Variants in MTREX observed in about 807,000 individuals in gnomAD.
The protein encoded by MTREX is Mtr4 exosome RNA helicase.
MTREX carries 76 observed loss-of-function variants against 135.4 expected under a neutral mutation model. The observed-to-expected ratio is 0.56, with a 90% confidence interval of 0.47 to 0.68. The LOEUF (loss-of-function observed/expected upper bound fraction) is 0.68, where lower values mean the gene tolerates loss of function less well. Among genes scored for constraint, MTREX ranks in the 30% least tolerant of loss-of-function variants. The pLI is 0.00. For synonymous variants in MTREX, 404 were observed against 401.6 expected, an observed-to-expected ratio of 1.01 and a Z score of -0.07; for missense variants, 920 against 1,262.1, an observed-to-expected ratio of 0.73 and a Z score of 4.11.
At chr5:55,394,560 G>A (rs759149451) in intron 19 of MTREX, among the ~76,000 whole-genome samples, 3 of 152,136 alleles carry the variant, frequency 2.0e-5, no homozygotes, top group Non-Finnish European at 2.9e-5. Context: ...CATGTGCCAT[G>A]TTTGCACTGG....
intron 14 of MTREX, among the ~76,000 whole-genome samples, chr5:55,354,748 G>A (rs1749882980): frequency 6.6e-6 from 1 of 152,320 alleles, no homozygotes; most frequent in African/African-American, 2.4e-5. Context: ...GGACTCTGCA[G>A]TCTGGCTAAG....
rs780401378 is a variant in MTREX at position 55,425,294 on chromosome 5, AAAG to A, written c.*526_*528del. ...AGAGTCCTCCTCTTTTCTTTCTTTAAAAGAAGTTCTTTCTTTGAAGAAATCCGA... is the reference window on the plus strand; with the variant it reads ...AGAGTCCTCCTCTTTTCTTTCTTTAAAAGTTCTTTCTTTGAAGAAATCCGA... On this transcript the variant is annotated 3_prime_UTR_variant, in exon 27 of 27. Coordinates refer to ENST00000230640, the MANE Select transcript of MTREX (RefSeq NM_015360.5). The A allele has an allele frequency of 4.3e-6, 7 of 1,610,300 alleles. No individual in the cohort carries two copies. The highest frequency in any genetic ancestry group is 1.1e-5 in the South Asian group (1 of 90,892).
intron 25 of MTREX, among the ~76,000 whole-genome samples, chr5:55,419,860 C>CTG (rs57347051): frequency 0.87 from 132,459 of 152,048 alleles, 57,933 homozygotes; most frequent in South Asian, 0.92. Flanking sequence ...TTCCTCAACT[C>CTG]TCCCCACCAC....
intron 21 of MTREX, among the ~76,000 whole-genome samples, chr5:55,404,733 A>T (rs969963879): frequency 2.1e-4 from 31 of 146,114 alleles, no homozygotes; most frequent in Middle Eastern, 7.2e-3. Flanking sequence ...TATCCAGCTC[A>T]CTCTCCTCCT....
intron 15 of MTREX, among the ~76,000 whole-genome samples, chr5:55,361,239 C>T (rs758724110): frequency 6.6e-6 from 1 of 152,126 alleles, no homozygotes; most frequent in Non-Finnish European, 1.5e-5. Flanking sequence ...TACTTAAAGT[C>T]ATTTTCTCAA....
chr5:55,405,414 A>T lies in MTREX; in HGVS notation c.2482-11A>T. On this transcript the variant is annotated splice_polypyrimidine_tract_variant and intron_variant, in intron 21 of 26. Transcript: ENST00000230640. Reference sequence around the variant, plus strand: ...ATTATTGAACTTTCTTTATACTTTCATGTGCTTTAGATTGCAATAGATATT... The same window carrying T: ...ATTATTGAACTTTCTTTATACTTTCTTGTGCTTTAGATTGCAATAGATATT... 2 of 1,604,730 alleles carry T rather than the reference A, an allele frequency of 1.2e-6. No homozygotes were observed. Among genetic ancestry groups the T allele is most frequent in the Non-Finnish European group, 1.7e-6 (2 of 1,173,024 alleles).
chr5:55,370,853 C>A (rs1302757738), intron 16 of MTREX, among the ~76,000 whole-genome samples: 3 of 152,088 alleles, frequency 2.0e-5, no homozygotes, highest in Non-Finnish European at 4.4e-5. Flanking sequence ...ATTATTTTTA[C>A]CACCTTAAAT....
chr5:55,367,610 G>GT (rs1750126555), intron 16 of MTREX, among the ~76,000 whole-genome samples: 1 of 152,156 alleles, frequency 6.6e-6, no homozygotes, highest in Admixed American at 6.5e-5. Context: ...TTGGATTAGA[G>GT]TTTAGCTTTT....
chr5:55,356,461 G>T, intron 14 of MTREX: 2 of 208,172 alleles, frequency 9.6e-6, no homozygotes, highest in Admixed American at 4.5e-5. Context: ...AGGAGGTTTT[G>T]GGAGATGAAC....
chr5:55,403,207 AAAAAAC>A (rs892950529), intron 21 of MTREX, among the ~76,000 whole-genome samples: 1 of 152,090 alleles, frequency 6.6e-6, no homozygotes, highest in Non-Finnish European at 1.5e-5. Context: ...TCTCTTTAAA[AAAAAAC>A]AAAAACAAAA....
chr5:55,419,316 GTGTC>G (rs1342858689), intron 25 of MTREX, among the ~76,000 whole-genome samples: 1 of 152,192 alleles, frequency 6.6e-6, no homozygotes, highest in East Asian at 1.9e-4. Flanking sequence ...GAAAATAAAA[GTGTC>G]TGGTCATTTC....
rs780953657 is a variant in MTREX, at chr5:55,425,173, C to T, written c.*401C>T. 1.3e-6 allele frequency: 2 copies of T among 1,592,648 alleles called. No individual in the cohort carries two copies. Among genetic ancestry groups the T allele is most frequent in the African/African-American group, 1.4e-5 (1 of 73,408 alleles). On this transcript the variant is annotated 3_prime_UTR_variant, in exon 27 of 27. Coordinates refer to ENST00000230640, the MANE Select transcript of MTREX (RefSeq NM_015360.5). Reference sequence around the variant, plus strand: ...GTGGCAATCATTTTCCTTTAGAAAACAGGCCAGCTTCACCTGGGCACCCTG... The same window carrying T: ...GTGGCAATCATTTTCCTTTAGAAAATAGGCCAGCTTCACCTGGGCACCCTG...
chr5:55,382,415 T>A (rs552078265), intron 18 of MTREX, among the ~76,000 whole-genome samples: 3 of 152,290 alleles, frequency 2.0e-5, no homozygotes, highest in African/African-American at 7.2e-5. Flanking sequence ...ATTATTAGAA[T>A]AAGCTTTAGG....
intron 3 of MTREX, among the ~76,000 whole-genome samples, chr5:55,325,077 A>T (rs960986326): frequency 6.6e-6 from 1 of 152,186 alleles, no homozygotes; most frequent in Non-Finnish European, 1.5e-5. Flanking sequence ...ACATGATGGA[A>T]CTATAACACT....
rs767019930 is a variant in MTREX, at chr5:55,424,770, TAG to T, written c.*1_*2del. The T allele has an allele frequency of 6.2e-7, 1 of 1,607,452 alleles. No homozygotes were observed. Among genetic ancestry groups the T allele is most frequent in the Admixed American group, 1.7e-5 (1 of 60,008 alleles). On this transcript the variant is annotated frameshift_variant and stop_lost, in exon 27 of 27. Transcript: ENST00000230640. LOFTEE classifies it high-confidence loss of function. ...TGTGTTTGCTGCCAGCCTCTACTTG[TAG>T]AGTCAGCTAAAGGAATGTGAGATTT... ...DIVFAASLYL[*>X]
intron 16 of MTREX, among the ~76,000 whole-genome samples, chr5:55,372,206 T>G (rs771553936): frequency 3.3e-5 from 5 of 152,094 alleles, no homozygotes; most frequent in Non-Finnish European, 7.4e-5. Context: ...AGGGTTTAAT[T>G]TTTTTTCCTG....
intron 14 of MTREX, among the ~76,000 whole-genome samples, chr5:55,354,267 A>C (rs1041415904): frequency 4.6e-5 from 7 of 152,212 alleles, no homozygotes; most frequent in African/African-American, 4.8e-5. Context: ...AAAGGAAGTC[A>C]TTTGGGGGTC....
chr5:55,368,943 AATC>A (rs2112088690), intron 16 of MTREX, among the ~76,000 whole-genome samples: 1 of 152,298 alleles, frequency 6.6e-6, no homozygotes, highest in Non-Finnish European at 1.5e-5. Flanking sequence ...TATAATTTCA[AATC>A]ATATTACATT....
intron 14 of MTREX, among the ~76,000 whole-genome samples, chr5:55,353,986 A>G (rs1749869748): frequency 2.0e-5 from 3 of 152,234 alleles, no homozygotes; most frequent in Admixed American, 2.0e-4. Context: ...GTTTGCACAC[A>G]TGTCCAAGGC....
Sources: gnomAD v4.1 joint callset for allele counts (sites outside exome capture counted in the v4.1 genomes callset) on GRCh38, gnomAD v4.1.1 for gene constraint, MANE v1.5 for transcripts, NCBI Gene and HGNC (gene_info 2026-07-23, HGNC 2026-07-21) for gene names.